Variants in SLC12A2 observed in about 807,000 individuals in gnomAD.
SLC12A2 encodes the protein Na-K-2Cl cotransporter 1.
In SLC12A2, 67 loss-of-function variants were observed where a neutral mutation model predicts 136.3. The observed-to-expected ratio is 0.49, with a 90% CI of 0.40 to 0.60. The LOEUF is 0.60. Among genes scored for constraint, SLC12A2 ranks in the 20% least tolerant of loss-of-function variants. The pLI is 0.00. For missense variants in SLC12A2, 1,322 were observed against 1,534.7 expected, an observed-to-expected ratio of 0.86 and a Z score of 2.32; for synonymous variants, 619 against 562.9, an observed-to-expected ratio of 1.10 and a Z score of -1.41.
intron 1 of SLC12A2, chr5:128,110,609 A>G (rs998736962): frequency 2.8e-6 from 3 of 1,063,072 alleles, no homozygotes; most frequent in Admixed American, 3.4e-5. Context: ...GTAGCAGCTT[A>G]TCACCTGCCA....
In SLC12A2 at chr5:128,180,925, A is replaced by C; in HGVS notation, c.3143A>C (p.Lys1048Thr). The change falls in exon 23 of 27, where the codon AAA (lysine) becomes ACA (threonine). Residue 1048 changes from lysine to threonine, a missense_variant. This residue lies in a region of SLC12A2 where 172 missense variants were observed against 227.4 expected (regional missense o/e 0.76). Coordinates refer to ENST00000262461, the MANE Select transcript of SLC12A2 (RefSeq NM_001046.3). ...LIPYLLTTKK[K>T]WKDCKIRVFI... The stretch of plus-strand genomic sequence containing the variant: ...CCTTACCTTCTGACGACCAAGAAAA[A>C]ATGGAAAGACTGTAAGATCAGAGTA... 15 of 1,612,648 alleles carry C rather than the reference A, an allele frequency of 9.3e-6. No homozygotes were observed. The highest frequency in any genetic ancestry group is 1.2e-5 in the Non-Finnish European group (14 of 1,178,770).
intron 22 of SLC12A2, among the ~76,000 whole-genome samples, chr5:128,180,029 G>A (rs1436802116): frequency 1.5e-5 from 2 of 131,292 alleles, no homozygotes; most frequent in Admixed American, 8.9e-5. Context: ...GAGTACAGTG[G>A]CGCAATCTCG....
Position 128,174,590 on chromosome 5 carries a change from A to G in SLC12A2, c.2853A>G (p.Val951=). ...QEKSPGTKDV[V]VSVEYSKKSD... is the part of the protein sequence containing the mutation. ...AATCTCCTGGCACCAAGGATGTGGT[A>G]GTAAGTGTGGAATATAGTAAAAAGT... The change falls in exon 20 of 27, where the codon GTA becomes GTG. Residue 951 remains valine (V), a synonymous_variant. Transcript: ENST00000262461. 1 of 1,609,428 alleles carries G rather than the reference A, an allele frequency of 6.2e-7. No homozygotes were observed. Among genetic ancestry groups the G allele is most frequent in the Non-Finnish European group, 8.5e-7 (1 of 1,177,028 alleles).
intron 19 of SLC12A2, among the ~76,000 whole-genome samples, chr5:128,174,253 T>A (rs1763472330): frequency 6.6e-6 from 1 of 152,124 alleles, no homozygotes; most frequent in African/African-American, 2.4e-5. Flanking sequence ...ACTTACCAGT[T>A]GAGCATCTCT....
intron 1 of SLC12A2, among the ~76,000 whole-genome samples, chr5:128,109,250 C>T (rs554768269): frequency 1.1e-4 from 16 of 152,330 alleles, no homozygotes; most frequent in Middle Eastern, 3.4e-3. Flanking sequence ...AGTTCTTGGC[C>T]GGGTCAGCAG....
At chr5:128,109,908 A>G in intron 1 of SLC12A2, 1 of 803,712 alleles carries the variant, frequency 1.2e-6, no homozygotes, top group South Asian at 1.3e-5. Context: ...CCTTTGCAAG[A>G]TAGTGCAGCC....
chr5:128,103,458 T>C (rs940409467), intron 1 of SLC12A2, among the ~76,000 whole-genome samples: 3 of 152,348 alleles, frequency 2.0e-5, no homozygotes, highest in Non-Finnish European at 4.4e-5. Flanking sequence ...AGATTCCTCA[T>C]GAAAGCTCAA....
In SLC12A2 at chr5:128,112,435, A is replaced by G. The variant is rs77640923; in HGVS notation, c.757-379A>G. 5.5e-3 allele frequency among the ~76,000 whole-genome samples: 835 copies of G among 152,306 alleles called. 3 individuals are homozygous for G. Among genetic ancestry groups the G allele is most frequent in the Middle Eastern group, 0.024 (7 of 294 alleles). On this transcript the variant is annotated intron_variant, in intron 1 of 26. Coordinates refer to ENST00000262461, the MANE Select transcript of SLC12A2 (RefSeq NM_001046.3). ...TTAATGTTGAAATTTCAGATGTAGG[A>G]CTGGTGGCAACTAGGTGATGTAAAT...
At chr5:128,090,670 A>G (rs1380792627) in intron 1 of SLC12A2, among the ~76,000 whole-genome samples, 1 of 152,316 alleles carries the variant, frequency 6.6e-6, no homozygotes, top group East Asian at 1.9e-4. Context: ...ATGCTGTTTT[A>G]GCATTGTTAG....
At position 128,114,764 on chromosome 5, in the gene SLC12A2, C is replaced by T. The variant is rs770981099; in HGVS notation, c.1048+83C>T. On this transcript the variant is annotated intron_variant, in intron 4 of 26. Transcript: ENST00000262461. ...AAATTGTATTTTTAATTATTTTTTA[C>T]TTTAACTGAAGCAACATATTAAGTC... The T allele has an allele frequency of 3.4e-6, 3 of 877,410 alleles. No homozygotes were observed. The Admixed American group carries it at 6.4e-5, about 19-fold the overall frequency. 54.4% of individuals were successfully genotyped at this position (877,410 alleles called of 1,614,324 possible).
chr5:128,122,469 T>C (rs4836360), intron 4 of SLC12A2, among the ~76,000 whole-genome samples: 47,884 of 152,098 alleles, frequency 0.31, 9,097 homozygotes, highest in African/African-American at 0.53. Context: ...TAATGCAACA[T>C]TGTGGTTAGT....
At chr5:128,091,158 G>A (rs1760301177) in intron 1 of SLC12A2, among the ~76,000 whole-genome samples, 1 of 152,206 alleles carries the variant, frequency 6.6e-6, no homozygotes, top group East Asian at 1.9e-4. Flanking sequence ...GATGCTGGAT[G>A]TGTTTCAGAG....
At position 128,085,346 on chromosome 5, in the gene SLC12A2, T is replaced by TA. The variant is rs200675736; in HGVS notation, c.756+645dup. Among the ~76,000 whole-genome samples, 227 of 150,286 alleles carry TA rather than the reference T, an allele frequency of 1.5e-3. 3 individuals carry two copies. The East Asian group carries it at 0.021, about 14-fold the overall frequency. ...AAACGTTTTGGGAGAGGTGTATATTTAAAAAAAAAGGGACAGAGGCGAGTC... is the reference window on the plus strand; with the variant it reads ...AAACGTTTTGGGAGAGGTGTATATTTAAAAAAAAAAGGGACAGAGGCGAGTC... On this transcript the variant is annotated intron_variant, in intron 1 of 26. Transcript: ENST00000262461.
intron 7 of SLC12A2, 21 bp from the exon 8 acceptor site, chr5:128,138,576 A>G (rs1249317686): frequency 6.3e-7 from 1 of 1,599,034 alleles, no homozygotes; most frequent in Non-Finnish European, 8.5e-7. Flanking sequence ...TTAATTGTCA[A>G]GAATATTTTG....
chr5:128,107,984 G>A (rs558028780), intron 1 of SLC12A2, among the ~76,000 whole-genome samples: 1 of 152,244 alleles, frequency 6.6e-6, no homozygotes, highest in East Asian at 1.9e-4. Flanking sequence ...TAACTGGCAT[G>A]AGATGGTATC....
chr5:128,143,181 G>A (rs559329060), intron 10 of SLC12A2, among the ~76,000 whole-genome samples: 2 of 152,076 alleles, frequency 1.3e-5, no homozygotes, highest in African/African-American at 4.8e-5. Context: ...TTAGATTTAC[G>A]AGTAAGTATT....
chr5:128,186,264 C>T (rs1029291843), intron 26 of SLC12A2, among the ~76,000 whole-genome samples: 7 of 152,066 alleles, frequency 4.6e-5, no homozygotes, highest in East Asian at 1.9e-4. Flanking sequence ...GATGTTTTCA[C>T]GAGGGCAAAA....
intron 1 of SLC12A2, among the ~76,000 whole-genome samples, chr5:128,088,945 G>A (rs887735023): frequency 6.6e-6 from 1 of 152,076 alleles, no homozygotes; most frequent in Non-Finnish European, 1.5e-5. Context: ...GAGGCGGGTG[G>A]ATCACCTGAG....
At chr5:128,150,720 C>T (rs2126722361) in intron 13 of SLC12A2, among the ~76,000 whole-genome samples, 1 of 151,898 alleles carries the variant, frequency 6.6e-6, no homozygotes, top group Non-Finnish European at 1.5e-5. Context: ...GGGCTTCCTT[C>T]ATAAATACTT....
Sources: allele counts gnomAD v4.1 joint callset (sites outside exome capture counted in the v4.1 genomes callset), GRCh38; gene constraint gnomAD v4.1.1; regional missense constraint gnomAD v4.1.1; transcripts MANE v1.5; gene names NCBI Gene and HGNC (gene_info 2026-07-23, HGNC 2026-07-21).